The following PXDN variants were observed in gnomAD, a reference collection of about 807,000 sequenced individuals.
PXDN encodes the protein peroxidasin homolog.
In PXDN, 77 loss-of-function variants were observed where a neutral mutation model predicts 140.3. That is an observed-to-expected ratio of 0.55 (90% CI 0.46 to 0.66). The LOEUF (loss-of-function observed/expected upper bound fraction) is 0.66, where lower values mean the gene tolerates loss of function less well. PXDN is among the 30% of genes least tolerant of loss of function. The probability of loss-of-function intolerance (pLI) is 0.00; values close to 1 mark genes in which losing one functional copy is unlikely to be tolerated. For missense variants in PXDN, 1,838 were observed against 2,039.5 expected, an observed-to-expected ratio of 0.90 and a Z score of 1.90; for synonymous variants, 911 against 857.4, an observed-to-expected ratio of 1.06 and a Z score of -1.09.
At chr2:1,704,645 G>A (rs1363911508) in intron 1 of PXDN, among the ~76,000 whole-genome samples, 4 of 96,094 alleles carry the variant, frequency 4.2e-5, no homozygotes, top group Non-Finnish European at 8.1e-5. Flanking sequence ...CAGGTGAAGG[G>A]GGGGCAGCTC....
chr2:1,656,318 G>C (rs538892402), intron 14 of PXDN, among the ~76,000 whole-genome samples: 17 of 152,296 alleles, frequency 1.1e-4, no homozygotes, highest in Admixed American at 3.9e-4. Flanking sequence ...TTTATTTTTA[G>C]TGATGAAAAC....
intron 1 of PXDN, 30 bp from the exon 2 acceptor site, chr2:1,693,164 G>A (rs751767663): frequency 3.3e-5 from 49 of 1,486,666 alleles, no homozygotes; most frequent in South Asian, 3.8e-5. Context: ...GTATTATTAC[G>A]TGAAAAAAAA....
At chr2:1,664,022 G>A (rs1434509182) in intron 11 of PXDN, 2 of 462,702 alleles carry the variant, frequency 4.3e-6, no homozygotes, top group Non-Finnish European at 7.8e-6. Context: ...GGGGCCAGGA[G>A]GACATGGGGA....
rs751068417 is a variant in PXDN at position 1,638,903 on chromosome 2, A to G, written c.4149T>C (p.Asn1383=). ...FSTRSDASGT[N]DFREFVLEMQ... is the part of the protein sequence containing the mutation. The stretch of plus-strand genomic sequence containing the variant: ...TTTCCAGAACAAACTCTCTGAAGTC[A>G]TTTGTCCCAGATGCATCTGAGCGTG... Residue 1383 remains asparagine (N), a synonymous_variant, in exon 21 of 23, where the codon AAT becomes AAC. Coordinates refer to ENST00000252804, the MANE Select transcript of PXDN (RefSeq NM_012293.3). 1 of 1,613,930 alleles carries G rather than the reference A, an allele frequency of 6.2e-7. No homozygotes were observed. Among genetic ancestry groups the G allele is most frequent in the Non-Finnish European group, 8.5e-7 (1 of 1,179,874 alleles).
rs763271401 is a variant in PXDN, at chr2:1,663,602, T to C, written c.1567+3A>G. ...ATTCAGTCCACAACCTCCTGGCACC[T>C]ACCTCTGGGCTGCACAGTCAGGTGG... On this transcript the variant is annotated splice_donor_region_variant and intron_variant, in intron 12 of 22. Transcript: ENST00000252804. 6.2e-7 allele frequency: 1 copy of C among 1,613,796 alleles called. No homozygotes were observed. Among genetic ancestry groups the C allele is most frequent in the South Asian group, 1.1e-5 (1 of 91,080 alleles).
At position 1,648,816 on chromosome 2, in the gene PXDN, G is replaced by A. The variant is rs1051451452; in HGVS notation, c.2964C>T (p.His988=). Residue 988 remains histidine (H), a synonymous_variant, in exon 17 of 23, where the codon CAC becomes CAT. Coordinates refer to ENST00000252804, the MANE Select transcript of PXDN (RefSeq NM_012293.3). The surrounding 1 kb of genome is among the most constrained non-coding windows in gnomAD (Gnocchi z 8.9). ...GGTTGTGCTCGCGGAACCACAGCGT[G>A]TGCATGCTGGTCAGGCCCAGCTGCT... ...ANEQLGLTSM[H]TLWFREHNRI... 1 of 1,602,316 alleles carries A rather than the reference G, an allele frequency of 6.2e-7. No individual in the cohort carries two copies. The highest frequency in any genetic ancestry group is 8.5e-7 in the Non-Finnish European group (1 of 1,176,122).
rs766428113 is a variant in PXDN, at chr2:1,663,716, T to C, written c.1456A>G (p.Thr486Ala). The change falls in exon 12 of 23, where the codon ACA becomes GCA. Residue 486 changes from threonine (T) to alanine (A), a missense_variant. Physicochemically the swap from Thr to Ala is moderately conservative, Grantham distance 58. Transcript: ENST00000252804. Reference protein sequence around the residue: ...DRRHLVLSSGTLRISGVALHD... With the variant: ...DRRHLVLSSGALRISGVALHD... ...AGGGCAACACCAGAGATTCTAAGTG[T>C]TCCCGATGACAGGACCAGGTGCCGC... The C allele has an allele frequency of 2.5e-6, 4 of 1,613,716 alleles. No homozygotes were observed. The South Asian group carries it at 4.4e-5, about 18-fold the overall frequency.
intron 14 of PXDN, 131 bp from the exon 15 acceptor site, chr2:1,654,639 A>G: frequency 1.6e-6 from 1 of 610,730 alleles, no homozygotes; most frequent in Non-Finnish European, 2.8e-6. Context: ...TTTCAAACCC[A>G]AACTCAAATT....
intron 1 of PXDN, among the ~76,000 whole-genome samples, chr2:1,705,672 AGTGCAGG>A (rs1419864410): frequency 1.2e-5 from 1 of 82,942 alleles, no homozygotes; most frequent in Admixed American, 1.2e-4. Flanking sequence ...CAGGGTGCAG[AGTGCAGG>A]GTGCAGCTCC....
intron 1 of PXDN, among the ~76,000 whole-genome samples, chr2:1,697,003 G>A (rs540924467): frequency 2.6e-5 from 4 of 152,302 alleles, no homozygotes; most frequent in African/African-American, 9.6e-5. Context: ...TCTCACTTGC[G>A]AGATTCTAGA....
At chr2:1,691,458 C>T (rs1189824547) in intron 3 of PXDN, among the ~76,000 whole-genome samples, 7 of 152,124 alleles carry the variant, frequency 4.6e-5, no homozygotes, top group Admixed American at 3.3e-4. Context: ...AATCACTTAG[C>T]GGGAGACAGG....
intron 1 of PXDN, among the ~76,000 whole-genome samples, chr2:1,720,185 T>G (rs1195692879): frequency 5.1e-4 from 5 of 9,838 alleles, no homozygotes; most frequent in Admixed American, 1.5e-3. Context: ...GAGAGAGAGA[T>G]GCACAGAGAG....
chr2:1,673,546 T>C (rs966781222), intron 9 of PXDN, 97 bp downstream of exon 9: 3 of 1,449,344 alleles, frequency 2.1e-6, no homozygotes, highest in African/African-American at 2.8e-5. Flanking sequence ...CAGACTTCAA[T>C]GTTCATTCTT....
At chr2:1,642,021 C>CA (rs1314348095) in intron 19 of PXDN, among the ~76,000 whole-genome samples, 7 of 152,022 alleles carry the variant, frequency 4.6e-5, no homozygotes, top group Non-Finnish European at 1.0e-4. Flanking sequence ...AACAATAAAA[C>CA]AAAAAACAGA....
At chr2:1,735,265 C>T (rs1027179703) in intron 1 of PXDN, among the ~76,000 whole-genome samples, 1 of 152,136 alleles carries the variant, frequency 6.6e-6, no homozygotes, top group Non-Finnish European at 1.5e-5. Context: ...TGTTTTGACC[C>T]CCCCATGAAT....
At chr2:1,732,514 C>T (rs1259711079) in intron 1 of PXDN, among the ~76,000 whole-genome samples, 2 of 152,206 alleles carry the variant, frequency 1.3e-5, no homozygotes, top group Non-Finnish European at 2.9e-5. Context: ...TCATGATTCA[C>T]AGGCAGTTGG....
rs575895313 is a variant in PXDN, at chr2:1,647,037, G to A, written c.3608+1135C>T. Among the ~76,000 whole-genome samples the A allele has an allele frequency of 7.9e-5, 12 of 152,206 alleles. No individual in the cohort carries two copies. In the South Asian group the frequency reaches 2.3e-3, roughly 29 times the overall value. On this transcript the variant is annotated intron_variant, in intron 17 of 22. Transcript: ENST00000252804. The stretch of plus-strand genomic sequence containing the variant: ...AGCCTCCCGAGTAGCTGGGATTACA[G>A]GCGCCTGCCACCACGCCCAGCTAAT...
At chr2:1,694,171 CTG>C (rs999817083) in intron 1 of PXDN, among the ~76,000 whole-genome samples, 5 of 152,166 alleles carry the variant, frequency 3.3e-5, no homozygotes, top group Non-Finnish European at 7.3e-5. Flanking sequence ...ACGGGTTGAA[CTG>C]TGTCTCCCCG....
At chr2:1,737,312 A>G (rs1247963958) in intron 1 of PXDN, among the ~76,000 whole-genome samples, 1 of 152,114 alleles carries the variant, frequency 6.6e-6, no homozygotes, top group Non-Finnish European at 1.5e-5. Flanking sequence ...CATCCTCCAG[A>G]ATAAAGAAAC....
Sources: allele counts gnomAD v4.1 joint callset (sites outside exome capture counted in the v4.1 genomes callset), GRCh38; gene constraint gnomAD v4.1.1; non-coding constraint Gnocchi (gnomAD v3.1); transcripts MANE v1.5; gene names NCBI Gene and HGNC (gene_info 2026-07-23, HGNC 2026-07-21).